Variants in SEMA5A observed in about 807,000 individuals in gnomAD.
SEMA5A encodes the protein semaphorin-5A.
In SEMA5A, 55 loss-of-function variants were observed where a neutral mutation model predicts 135.5. That is an observed-to-expected ratio of 0.41 (90% CI 0.33 to 0.51). The LOEUF (loss-of-function observed/expected upper bound fraction) is 0.51, where lower values mean the gene tolerates loss of function less well. Among genes scored for constraint, SEMA5A ranks in the 20% least tolerant of loss-of-function variants. The probability of loss-of-function intolerance (pLI) is 0.37; values close to 1 mark genes in which losing one functional copy is unlikely to be tolerated. For missense variants in SEMA5A, 1,290 were observed against 1,419.9 expected, an observed-to-expected ratio of 0.91 and a Z score of 1.47; for synonymous variants, 580 against 546.5, an observed-to-expected ratio of 1.06 and a Z score of -0.85.
intron 12 of SEMA5A, among the ~76,000 whole-genome samples, chr5:9,154,249 C>G (rs1205591544): frequency 6.6e-6 from 1 of 151,206 alleles, no homozygotes; most frequent in Admixed American, 6.6e-5. Flanking sequence ...TATTTTAACC[C>G]TGACAACTTC....
At chr5:9,332,793 G>A (rs1753212637) in intron 4 of SEMA5A, among the ~76,000 whole-genome samples, 1 of 152,226 alleles carries the variant, frequency 6.6e-6, no homozygotes, top group Non-Finnish European at 1.5e-5. Context: ...ATTTTGTGAT[G>A]TTATTTTGTA....
chr5:9,207,892 G>C (rs765924724), intron 8 of SEMA5A, among the ~76,000 whole-genome samples: 14 of 35,352 alleles, frequency 4.0e-4, no homozygotes, highest in South Asian at 2.1e-3. Flanking sequence ...TAGATAGATA[G>C]ATAGATACAT....
At chr5:9,376,899 T>C (rs551653604) in intron 3 of SEMA5A, among the ~76,000 whole-genome samples, 75 of 152,248 alleles carry the variant, frequency 4.9e-4, no homozygotes, top group African/African-American at 1.8e-3. Flanking sequence ...AAACGACATA[T>C]GCATTCACCC....
chr5:9,366,170 A>T (rs1357020945), intron 3 of SEMA5A, among the ~76,000 whole-genome samples: 1 of 152,150 alleles, frequency 6.6e-6, no homozygotes, highest in African/African-American at 2.4e-5. Context: ...TCTCTGAATC[A>T]TTTGCTTCTA....
Position 9,253,554 on chromosome 5 carries a change from A to G in SEMA5A, c.271-15664T>C, listed in dbSNP as rs1805989. On this transcript the variant is annotated intron_variant, in intron 5 of 22. Coordinates refer to ENST00000382496, the MANE Select transcript of SEMA5A (RefSeq NM_003966.3). ...ATATTCAAAGACTTTATCAGTCTTC[A>G]TAACCATTTTGATTGGTCTACCTCC... Among the ~76,000 whole-genome samples, 1,031 of 152,312 alleles carry G rather than the reference A, an allele frequency of 6.8e-3. 5 individuals are homozygous for G. The highest frequency in any genetic ancestry group is 0.01 in the Non-Finnish European group (689 of 68,012).
At chr5:9,294,528 A>T (rs533976715) in intron 5 of SEMA5A, among the ~76,000 whole-genome samples, 1 of 152,262 alleles carries the variant, frequency 6.6e-6, no homozygotes, top group East Asian at 1.9e-4. Flanking sequence ...ATTGTGCTGA[A>T]CTCTACACTT....
intron 1 of SEMA5A, among the ~76,000 whole-genome samples, chr5:9,533,427 T>C (rs1181008420): frequency 3.3e-5 from 5 of 152,184 alleles, no homozygotes; most frequent in Admixed American, 6.5e-5. Context: ...TAGTAAAAGA[T>C]TGTAAATATA....
chr5:9,532,610 G>A (rs1207178181), intron 1 of SEMA5A, among the ~76,000 whole-genome samples: 1 of 152,036 alleles, frequency 6.6e-6, no homozygotes, highest in Non-Finnish European at 1.5e-5. Context: ...TAATAAGAAG[G>A]CATTTCTCTA....
Position 9,337,206 on chromosome 5 carries a change from C to G in SEMA5A, c.224+507G>C, listed in dbSNP as rs1016721690. On this transcript the variant is annotated intron_variant, in intron 4 of 22. Transcript: ENST00000382496. ...TCAATTTACTGGTATATGGCCTAAT[C>G]AAGGTAACAAAGAAAGGTGGTGGTG... 3.9e-5 allele frequency among the ~76,000 whole-genome samples: 6 copies of G among 152,244 alleles called. No individual in the cohort carries two copies. In the East Asian group the frequency reaches 1.2e-3, roughly 29 times the overall value.
chr5:9,486,163 C>A (rs1185873572), intron 1 of SEMA5A, among the ~76,000 whole-genome samples: 1 of 152,098 alleles, frequency 6.6e-6, no homozygotes, highest in Non-Finnish European at 1.5e-5. Context: ...AACAAACAAA[C>A]ACAGGAACAG....
chr5:9,500,865 C>T (rs1301899595), intron 1 of SEMA5A, among the ~76,000 whole-genome samples: 3 of 152,154 alleles, frequency 2.0e-5, no homozygotes, highest in Admixed American at 2.0e-4. Context: ...CTTTCCCTGC[C>T]TTCCTGGAGC....
Position 9,204,978 on chromosome 5 carries a change from C to T in SEMA5A, c.647-2738G>A, listed in dbSNP as rs544781707. 1.6e-4 allele frequency among the ~76,000 whole-genome samples: 25 copies of T among 152,250 alleles called. No individual in the cohort carries two copies. Among genetic ancestry groups the T allele is most frequent in the South Asian group, 1.5e-3 (7 of 4,812 alleles). ...CAGAACAGTTTCATCCCTAAACCAT[C>T]CCCTCTATCCTCCCTGCCACCCCCA... On this transcript the variant is annotated intron_variant, in intron 8 of 22. Coordinates refer to ENST00000382496, the MANE Select transcript of SEMA5A (RefSeq NM_003966.3). The surrounding 1 kb of genome is among the most constrained non-coding windows in gnomAD (Gnocchi z 6.4).
chr5:9,175,541 C>T (rs1419539175), intron 11 of SEMA5A, among the ~76,000 whole-genome samples: 1 of 152,044 alleles, frequency 6.6e-6, no homozygotes, highest in Non-Finnish European at 1.5e-5. Flanking sequence ...GGGAAATTAC[C>T]CTTTGAATGC....
At chr5:9,420,900 C>T (rs1579512303) in intron 2 of SEMA5A, among the ~76,000 whole-genome samples, 1 of 152,148 alleles carries the variant, frequency 6.6e-6, no homozygotes, top group Non-Finnish European at 1.5e-5. Context: ...CCTGTAGTCC[C>T]AGCTACTTGG....
At chr5:9,241,060 C>A (rs529453231) in intron 5 of SEMA5A, among the ~76,000 whole-genome samples, 1 of 152,106 alleles carries the variant, frequency 6.6e-6, no homozygotes, top group South Asian at 2.1e-4. Flanking sequence ...ATTTTGTCTG[C>A]ATTATATATT....
At chr5:9,416,004 A>G (rs1011970759) in intron 2 of SEMA5A, among the ~76,000 whole-genome samples, 1 of 152,214 alleles carries the variant, frequency 6.6e-6, no homozygotes, top group Non-Finnish European at 1.5e-5. Flanking sequence ...CACTCAGCTC[A>G]ATAAACTCTG....
intron 2 of SEMA5A, among the ~76,000 whole-genome samples, chr5:9,408,014 ACAC>A (rs1157466638): frequency 4.7e-5 from 4 of 85,386 alleles, no homozygotes; most frequent in Admixed American, 2.1e-4. Flanking sequence ...ATCACTACCA[ACAC>A]CACAACTACC....
At chr5:9,430,734 C>A (rs1268777877) in intron 2 of SEMA5A, among the ~76,000 whole-genome samples, 1 of 152,040 alleles carries the variant, frequency 6.6e-6, no homozygotes, top group Non-Finnish European at 1.5e-5. Context: ...CTTGACTAGG[C>A]AGTGCTGAAG....
At chr5:9,407,250 CATAA>C (rs906599668) in intron 2 of SEMA5A, among the ~76,000 whole-genome samples, 2 of 152,136 alleles carry the variant, frequency 1.3e-5, no homozygotes, top group African/African-American at 2.4e-5. Flanking sequence ...GTAGACTAAA[CATAA>C]AGAGAGAATA....
Sources: gnomAD v4.1 joint callset for allele counts (sites outside exome capture counted in the v4.1 genomes callset) on GRCh38, gnomAD v4.1.1 for gene constraint, Gnocchi (gnomAD v3.1) non-coding constraint, MANE v1.5 for transcripts, NCBI Gene and HGNC (gene_info 2026-07-23, HGNC 2026-07-21) for gene names.